The following UNC5D variants were observed in gnomAD, a reference collection of about 807,000 sequenced individuals.
The protein encoded by UNC5D is unc-5 netrin receptor D, also known as netrin receptor UNC5D.
UNC5D carries 39 observed loss-of-function variants against 105.4 expected under a neutral mutation model. The ratio of observed to expected loss-of-function variants is 0.37; its 90% CI spans 0.29 to 0.48. The LOEUF is 0.48. UNC5D is among the 20% of genes least tolerant of loss of function. UNC5D has a pLI of 0.98. For synonymous variants in UNC5D, 452 were observed against 450.4 expected, an observed-to-expected ratio of 1.00 and a Z score of -0.04; for missense variants, 991 against 1,202.4, an observed-to-expected ratio of 0.82 and a Z score of 2.60.
intron 1 of UNC5D, among the ~76,000 whole-genome samples, chr8:35,244,463 C>T (rs1443386067): frequency 2.0e-5 from 3 of 152,102 alleles, no homozygotes; most frequent in African/African-American, 7.2e-5. Context: ...CCTTCTTGGT[C>T]TGTAGGGTGG....
At chr8:35,625,163 T>A (rs1563604756) in intron 4 of UNC5D, among the ~76,000 whole-genome samples, 1 of 152,238 alleles carries the variant, frequency 6.6e-6, no homozygotes, top group Non-Finnish European at 1.5e-5. Context: ...AACATAAACT[T>A]CCCTTGATTT....
At chr8:35,390,631 C>T (rs1239240466) in intron 1 of UNC5D, among the ~76,000 whole-genome samples, 2 of 152,114 alleles carry the variant, frequency 1.3e-5, no homozygotes, top group African/African-American at 4.8e-5. Flanking sequence ...AAAAGAAATA[C>T]TTTTCTTATT....
chr8:35,643,672 C>T (rs1482455462), intron 4 of UNC5D, among the ~76,000 whole-genome samples: 1 of 151,986 alleles, frequency 6.6e-6, no homozygotes, highest in Non-Finnish European at 1.5e-5. Context: ...GAGCCACTGG[C>T]CTGGGCTGCA....
Position 35,255,977 on chromosome 8 carries a change from GA to G in UNC5D, c.103+20092del, listed in dbSNP as rs199730312. 3.3e-4 allele frequency: 50 copies of G among 152,232 alleles called. No individual in the cohort carries two copies. In the East Asian group the frequency reaches 9.3e-3, roughly 28 times the overall value. 9.4% of individuals were successfully genotyped at this position (152,232 alleles called of 1,614,324 possible). On this transcript the variant is annotated intron_variant, in intron 1 of 16. Coordinates refer to ENST00000404895, the MANE Select transcript of UNC5D (RefSeq NM_080872.4). ...TTCATAGCAGACTTCAATTTTATAT[GA>G]AGGTCTCAATTTATTCATTCCTCCA...
chr8:35,563,370 G>T (rs1817101857), intron 2 of UNC5D, among the ~76,000 whole-genome samples: 1 of 91,966 alleles, frequency 1.1e-5, no homozygotes. Context: ...GGGTGGGGGG[G>T]TGGGGAGAGC....
chr8:35,590,554 C>T (rs985865618), intron 3 of UNC5D, among the ~76,000 whole-genome samples: 4 of 152,124 alleles, frequency 2.6e-5, no homozygotes, highest in Non-Finnish European at 1.5e-5. Context: ...CTGAAAAATG[C>T]ACTGGTTTAT....
chr8:35,288,835 T>C (rs1376627982), intron 1 of UNC5D, among the ~76,000 whole-genome samples: 4 of 151,990 alleles, frequency 2.6e-5, no homozygotes, highest in African/African-American at 9.7e-5. Flanking sequence ...ACCACAAAAG[T>C]AGAAACCTAT....
At chr8:35,633,038 A>C (rs1274200390) in intron 4 of UNC5D, among the ~76,000 whole-genome samples, 1 of 152,184 alleles carries the variant, frequency 6.6e-6, no homozygotes, top group Non-Finnish European at 1.5e-5. Flanking sequence ...CCAATAGTCT[A>C]TGTCCCTGGT....
In UNC5D at chr8:35,769,820, G is replaced by A. The variant is rs189159510; in HGVS notation, c.2478+2754G>A. 1.5e-3 allele frequency among the ~76,000 whole-genome samples: 225 copies of A among 152,124 alleles called. 2 individuals are homozygous for A. The highest frequency in any genetic ancestry group is 2.7e-3 in the Non-Finnish European group (184 of 67,998). ...CTACTAAAAATACAAAAAATTAGCCGGGAGTGTTGGCGGGTGCCTGTAGTC... is the reference window on the plus strand; with the variant it reads ...CTACTAAAAATACAAAAAATTAGCCAGGAGTGTTGGCGGGTGCCTGTAGTC... On this transcript the variant is annotated intron_variant, in intron 15 of 16. Coordinates refer to ENST00000404895, the MANE Select transcript of UNC5D (RefSeq NM_080872.4).
chr8:35,465,651 C>T (rs541490908), intron 1 of UNC5D, among the ~76,000 whole-genome samples: 1 of 152,200 alleles, frequency 6.6e-6, no homozygotes, highest in African/African-American at 2.4e-5. Flanking sequence ...TGTCTTCTTC[C>T]ACTGTTATAA....
intron 1 of UNC5D, among the ~76,000 whole-genome samples, chr8:35,381,496 T>C (rs1803039755): frequency 6.6e-6 from 1 of 152,170 alleles, no homozygotes; most frequent in Admixed American, 6.5e-5. Context: ...GACATAATCA[T>C]CAGCTCTGCA....
At chr8:35,413,688 C>T (rs1055087824) in intron 1 of UNC5D, among the ~76,000 whole-genome samples, 7 of 151,996 alleles carry the variant, frequency 4.6e-5, no homozygotes, top group African/African-American at 1.7e-4. Context: ...ACTACTCACT[C>T]CAAATTCCTT....
At chr8:35,567,138 G>A (rs1047787262) in intron 2 of UNC5D, among the ~76,000 whole-genome samples, 1 of 151,196 alleles carries the variant, frequency 6.6e-6, no homozygotes, top group Non-Finnish European at 1.5e-5. Context: ...TCACTGCTGT[G>A]CCCTTAGCCA....
chr8:35,663,992 T>C (rs1824270163), intron 4 of UNC5D, among the ~76,000 whole-genome samples: 1 of 152,184 alleles, frequency 6.6e-6, no homozygotes, highest in South Asian at 2.1e-4. Flanking sequence ...TTTTGTATAT[T>C]AAAAACTGGT....
intron 1 of UNC5D, among the ~76,000 whole-genome samples, chr8:35,260,969 C>T (rs972278309): frequency 6.6e-6 from 1 of 152,146 alleles, no homozygotes; most frequent in Non-Finnish European, 1.5e-5. Flanking sequence ...TGATAAAGAA[C>T]ACACTTTGCC....
At chr8:35,436,363 C>A (rs1256601112) in intron 1 of UNC5D, among the ~76,000 whole-genome samples, 1 of 151,986 alleles carries the variant, frequency 6.6e-6, no homozygotes, top group Non-Finnish European at 1.5e-5. Flanking sequence ...AATCACAGCA[C>A]CCTTAAAATA....
At chr8:35,645,939 C>G (rs1823019958) in intron 4 of UNC5D, among the ~76,000 whole-genome samples, 1 of 151,750 alleles carries the variant, frequency 6.6e-6, no homozygotes, top group Non-Finnish European at 1.5e-5. Context: ...ACACACACTC[C>G]TTTACTCAAA....
At chr8:35,283,760 C>T (rs1360944454) in intron 1 of UNC5D, among the ~76,000 whole-genome samples, 9 of 151,198 alleles carry the variant, frequency 6.0e-5, no homozygotes, top group Admixed American at 1.3e-4. Context: ...GCTGAGATTG[C>T]GCCACTACAC....
At chr8:35,330,532 T>G (rs1810532267) in intron 1 of UNC5D, among the ~76,000 whole-genome samples, 1 of 152,250 alleles carries the variant, frequency 6.6e-6, no homozygotes, top group Non-Finnish European at 1.5e-5. Context: ...ATTGCATTAT[T>G]CCAGCTGATC....
Sources: gnomAD v4.1 joint callset for allele counts (sites outside exome capture counted in the v4.1 genomes callset) on GRCh38, gnomAD v4.1.1 for gene constraint, MANE v1.5 for transcripts, NCBI Gene and HGNC (gene_info 2026-07-23, HGNC 2026-07-21) for gene names.